SSPN: variants seen among roughly 807,000 people sequenced by gnomAD.
The protein encoded by SSPN is sarcospan, also known as K-ras oncogene-associated protein.
SSPN carries 15 observed loss-of-function variants against 19.1 expected under a neutral mutation model. The observed-to-expected ratio is 0.78, with a 90% CI of 0.52 to 1.21. The LOEUF is 1.21. SSPN is among the 50% of genes most tolerant of loss of function. The probability of loss-of-function intolerance (pLI) is 0.00; values close to 1 mark genes in which losing one functional copy is unlikely to be tolerated. For synonymous variants in SSPN, 147 were observed against 140.3 expected (o/e 1.05, Z -0.34); for missense variants, 291 against 314.0 (o/e 0.93, Z 0.55).
chr12:26,123,676 G>A (rs1282577651), intron 1 of SSPN: 2 of 1,613,946 alleles, frequency 1.2e-6, no homozygotes, highest in East Asian at 2.2e-5. Context: ...CGGTTAAGGC[G>A]GTTAAAGCTT....
chr12:26,232,915 A>T lies in SSPN; in HGVS notation c.*1839A>T, dbSNP rs575138713. 1 of 149,598 alleles carries T rather than the reference A, an allele frequency of 6.7e-6. No homozygotes were observed. The highest frequency in any genetic ancestry group is 2.6e-5 in the African/African-American group (1 of 38,926). 9.3% of individuals were successfully genotyped at this position (149,598 alleles called of 1,614,324 possible). A position where few individuals can be genotyped will look rare whatever the true frequency, so the allele number is the denominator to read the frequency against. On this transcript the variant is annotated 3_prime_UTR_variant, in exon 3 of 3. Transcript: ENST00000242729. ...ACCAAGCAGAATGATGAGGACCTGTAAAATACCTTGTGCCCTATTAAAAAA... is the reference window on the plus strand; with the variant it reads ...ACCAAGCAGAATGATGAGGACCTGTTAAATACCTTGTGCCCTATTAAAAAA...
rs566350953 is a variant in SSPN, at chr12:26,146,390, A to T, written c.-31+24238A>T. On this transcript the variant is annotated intron_variant, in intron 1 of 2. Transcript: ENST00000538142. ...CCTGTTGTGCCCATTTCCATGTAAG[A>T]GCGGTAAGGGACATTTATGCTGTTA... Among the ~76,000 whole-genome samples the T allele has an allele frequency of 4.6e-5, 7 of 152,300 alleles. No homozygotes were observed. In the East Asian group the frequency reaches 1.4e-3, roughly 29 times the overall value.
At chr12:26,135,007 A>AGAGCAG (rs1944417268) in intron 1 of SSPN, 1 of 152,286 alleles carries the variant, frequency 6.6e-6, no homozygotes, top group African/African-American at 2.4e-5. Context: ...AGAAGGCAGT[A>AGAGCAG]AGCTCTGCTC....
chr12:26,163,918 G>A (rs540732845), intron 1 of SSPN, among the ~76,000 whole-genome samples: 2 of 152,316 alleles, frequency 1.3e-5, no homozygotes, highest in South Asian at 4.1e-4. Context: ...GGCCACCAAG[G>A]TGAGCAAAAG....
chr12:26,170,587 T>C (rs1944648381), intron 1 of SSPN, among the ~76,000 whole-genome samples: 3 of 152,250 alleles, frequency 2.0e-5, no homozygotes, highest in Non-Finnish European at 4.4e-5. Context: ...ATCCTTGAAT[T>C]ATATGCTTCA....
chr12:26,225,745 T>TAA (rs35244146), intron 2 of SSPN, among the ~76,000 whole-genome samples: 1 of 121,854 alleles, frequency 8.2e-6, no homozygotes, highest in African/African-American at 3.2e-5. Context: ...GCTTGGTGAT[T>TAA]AAAAAAAAAA....
intron 1 of SSPN, among the ~76,000 whole-genome samples, chr12:26,215,350 A>C (rs969082344): frequency 1.3e-5 from 2 of 152,218 alleles, no homozygotes; most frequent in Admixed American, 6.5e-5. Flanking sequence ...GATTCCAAGC[A>C]ATTAGTAATG....
At chr12:26,186,587 C>T (rs1221620006) in intron 1 of SSPN, among the ~76,000 whole-genome samples, 1 of 152,192 alleles carries the variant, frequency 6.6e-6, no homozygotes, top group Non-Finnish European at 1.5e-5. Flanking sequence ...ACTCACTGCT[C>T]ACTTGTCATT....
In SSPN at chr12:26,208,022, G is replaced by T. The variant is rs1056922968; in HGVS notation, c.279+12071G>T. Among the ~76,000 whole-genome samples the T allele has an allele frequency of 2.0e-3, 238 of 119,878 alleles. 3 individuals are homozygous for T. Among genetic ancestry groups the T allele is most frequent in the African/African-American group, 5.5e-3 (214 of 38,920 alleles). 78.6% of individuals were successfully genotyped at this position (119,878 alleles called of 152,430 possible). A position where few individuals can be genotyped will look rare whatever the true frequency, so the allele number is the denominator to read the frequency against. On this transcript the variant is annotated intron_variant, in intron 1 of 2. Transcript: ENST00000242729. ...CTCAAAAGAAAGTGGTGGTGGTGGG[G>T]GGGGGGGATATATAACAGTTAATTC...
chr12:26,223,633 G>A (rs564723285), intron 1 of SSPN, among the ~76,000 whole-genome samples: 20 of 152,210 alleles, frequency 1.3e-4, no homozygotes, highest in Non-Finnish European at 2.1e-4. Flanking sequence ...ATTTGAATCC[G>A]GGTTCCAAAG....
At chr12:26,160,345 C>A (rs1944580429) in intron 1 of SSPN, among the ~76,000 whole-genome samples, 1 of 152,214 alleles carries the variant, frequency 6.6e-6, no homozygotes. Flanking sequence ...TGGCCTTTTG[C>A]TCTTAAATGG....
At chr12:26,220,551 C>G (rs1489510958) in intron 1 of SSPN, among the ~76,000 whole-genome samples, 1 of 152,160 alleles carries the variant, frequency 6.6e-6, no homozygotes, top group African/African-American at 2.4e-5. Context: ...TAACTGGGCC[C>G]TTTTCTGTTT....
At chr12:26,173,663 C>T (rs537957478) in intron 1 of SSPN, among the ~76,000 whole-genome samples, 1 of 152,118 alleles carries the variant, frequency 6.6e-6, no homozygotes, top group East Asian at 1.9e-4. Flanking sequence ...GTTCAATCAT[C>T]GTCTTTTATA....
chr12:26,224,221 T>C lies in SSPN; in HGVS notation c.280-72T>C, dbSNP rs1945153268. ...TAACATGGATGTGACTGCAGGAAGA[T>C]ACTGAGACTGATGTCATTTGAACGC... On this transcript the variant is annotated intron_variant, in intron 1 of 2. Transcript: ENST00000242729. The C allele has an allele frequency of 7.8e-6, 8 of 1,023,268 alleles. No individual in the cohort carries two copies. In the Admixed American group the frequency reaches 8.6e-5, roughly 11 times the overall value. 63.4% of individuals were successfully genotyped at this position (1,023,268 alleles called of 1,614,324 possible). A position where few individuals can be genotyped will look rare whatever the true frequency, so the allele number is the denominator to read the frequency against.
intron 2 of SSPN, among the ~76,000 whole-genome samples, chr12:26,228,872 G>A (rs73072409): frequency 0.066 from 10,011 of 152,198 alleles, 372 homozygotes; most frequent in Middle Eastern, 0.11. Context: ...AGGGCCAGAC[G>A]AAGTGGTTCA....
At chr12:26,182,091 C>G (rs1944721759) in intron 1 of SSPN, among the ~76,000 whole-genome samples, 2 of 152,176 alleles carry the variant, frequency 1.3e-5, no homozygotes, top group African/African-American at 4.8e-5. Context: ...GTGTCAGGAT[C>G]AGAAGAGTTT....
intron 2 of SSPN, among the ~76,000 whole-genome samples, chr12:26,225,937 T>C (rs147576841): frequency 2.2e-4 from 33 of 150,056 alleles, no homozygotes; most frequent in Non-Finnish European, 4.3e-4. Context: ...GAGACCCCAA[T>C]GCCATCTCAG....
At chr12:26,217,974 C>T (rs1484793288) in intron 1 of SSPN, among the ~76,000 whole-genome samples, 1 of 151,992 alleles carries the variant, frequency 6.6e-6, no homozygotes, top group Non-Finnish European at 1.5e-5. Flanking sequence ...TGGGTATATA[C>T]TCAAAGGACT....
chr12:26,132,318 A>G (rs928904951), intron 1 of SSPN, among the ~76,000 whole-genome samples: 1 of 152,150 alleles, frequency 6.6e-6, no homozygotes, highest in South Asian at 2.1e-4. Context: ...GGTTTTAGGG[A>G]TTCAGTAGTG....
Sources: gnomAD v4.1 joint callset for allele counts (sites outside exome capture counted in the v4.1 genomes callset) on GRCh38, gnomAD v4.1.1 for gene constraint, MANE v1.5 for transcripts, NCBI Gene and HGNC (gene_info 2026-07-23, HGNC 2026-07-21) for gene names.